The following OTOF variants were observed in gnomAD, a reference collection of about 807,000 sequenced individuals.
OTOF encodes the protein otoferlin, also known as fer-1-like family member 2.
OTOF carries 218 observed loss-of-function variants against 236.8 expected under a neutral mutation model. That is an observed-to-expected ratio of 0.92 (90% CI 0.82 to 1.03). OTOF has a LOEUF of 1.03. Among genes scored for constraint, OTOF ranks in the 50% least tolerant of loss-of-function variants. The pLI is 0.00. For synonymous variants in OTOF, 1,041 were observed against 1,072.5 expected (o/e 0.97, Z 0.57); for missense variants, 2,590 against 2,694.4 (o/e 0.96, Z 0.86).
intron 2 of OTOF, among the ~76,000 whole-genome samples, chr2:26,537,336 C>T (rs1667095093): frequency 6.6e-6 from 1 of 152,176 alleles, no homozygotes; most frequent in African/African-American, 2.4e-5. Flanking sequence ...CTGGCCTTTG[C>T]GACGTCCCCA....
chr2:26,501,997 C>T (rs1434201250), intron 7 of OTOF, among the ~76,000 whole-genome samples, 189 bp from the exon 8 acceptor site: 1 of 152,106 alleles, frequency 6.6e-6, no homozygotes, highest in African/African-American at 2.4e-5. Context: ...TAATCAAAGG[C>T]AGAAGTAACA....
chr2:26,531,689 C>T (rs1405913115), intron 2 of OTOF, among the ~76,000 whole-genome samples: 1 of 152,032 alleles, frequency 6.6e-6, no homozygotes, highest in Admixed American at 6.5e-5. Flanking sequence ...ATGTCCTTTC[C>T]TCCATTTGGG....
Position 26,512,407 on chromosome 2 carries a change from T to A in OTOF, c.509+4011A>T, listed in dbSNP as rs1666413465. Among the ~76,000 whole-genome samples the A allele has an allele frequency of 1.3e-5, 2 of 152,166 alleles. 1 individual carries two copies. The highest frequency in any genetic ancestry group is 4.1e-4 in the South Asian group (2 of 4,832). ...GTGCATGTGAGTGTGTGCAAACACA[T>A]GGGCACTTGTGTACACATGTGTGTG... is the stretch of plus-strand genomic sequence containing the variant. On this transcript the variant is annotated intron_variant, in intron 5 of 46. Coordinates refer to ENST00000272371, the MANE Select transcript of OTOF (RefSeq NM_194248.3).
rs1473454319 is a variant in OTOF, at chr2:26,477,482, C to T, written c.2340G>A (p.Lys780=). The change falls in exon 20 of 47, where the codon AAG becomes AAA. Residue 780 remains lysine (K), a synonymous_variant. Transcript: ENST00000272371. The surrounding 1 kb of genome is among the most constrained non-coding windows in gnomAD (Gnocchi z 4.7). ...TGGTGCGGGATGAGTGGCCCTGGTC[C>T]TTGTCAGCGAGGGAGAGGAAGCGGC... ...GCCRFLSLAD[K]DQGHSSRTRL... The T allele has an allele frequency of 1.2e-6, 2 of 1,603,538 alleles. No homozygotes were observed. The highest frequency in any genetic ancestry group is 1.7e-5 in the Admixed American group (1 of 58,744).
chr2:26,500,093 G>A (rs1227470659), intron 8 of OTOF, among the ~76,000 whole-genome samples: 1 of 152,206 alleles, frequency 6.6e-6, no homozygotes, highest in East Asian at 1.9e-4. Flanking sequence ...GGGAGCAGCT[G>A]TCTAGAAGGC....
Position 26,489,253 on chromosome 2 carries a change from C to A in OTOF, c.1003G>T (p.Gly335Cys). The change falls in exon 11 of 47, where the codon GGC becomes TGC. Residue 335 changes from glycine to cysteine, a missense_variant. Physicochemically the swap from Gly to Cys is radical, Grantham distance 159. Around this residue, in one of 2 missense-constraint regions of OTOF, gnomAD observed 1,379 missense variants for 1,341.6 expected, o/e 1.03. Transcript: ENST00000272371. Reference protein sequence around the residue: ...KNLLRSGTLVGSFKMDVGTVY... With the variant: ...KNLLRSGTLVCSFKMDVGTVY... ...GTTCCCACGTCCATTTTGAAGGAGCCCACCAGGGTGCCACTGCGCAGCAGG... is the reference window on the plus strand; with the variant it reads ...GTTCCCACGTCCATTTTGAAGGAGCACACCAGGGTGCCACTGCGCAGCAGG... 6.2e-7 allele frequency: 1 copy of A among 1,613,092 alleles called. No individual in the cohort carries two copies. Among genetic ancestry groups the A allele is most frequent in the Non-Finnish European group, 8.5e-7 (1 of 1,179,848 alleles).
intron 1 of OTOF, among the ~76,000 whole-genome samples, chr2:26,552,288 G>A (rs1192029053): frequency 1.4e-4 from 21 of 152,144 alleles, no homozygotes; most frequent in Admixed American, 1.4e-3. Context: ...TACTCGGGAG[G>A]CTGAGGTGGG....
At chr2:26,496,755 A>C (rs1382263420) in intron 8 of OTOF, among the ~76,000 whole-genome samples, 1 of 152,012 alleles carries the variant, frequency 6.6e-6, no homozygotes, top group East Asian at 1.9e-4. Context: ...TGAACTTGGG[A>C]TTGAACCCCA....
chr2:26,533,213 AAC>A (rs1388989044), intron 2 of OTOF, among the ~76,000 whole-genome samples: 1 of 152,124 alleles, frequency 6.6e-6, no homozygotes, highest in Non-Finnish European at 1.5e-5. Flanking sequence ...TCTGAGGAGG[AAC>A]AGTTTCATCC....
At position 26,477,092 on chromosome 2, in the gene OTOF, C is replaced by T; in HGVS notation, c.2524-49G>A. On this transcript the variant is annotated intron_variant, in intron 21 of 46. Transcript: ENST00000272371. This position sits in a 1 kb window ranked among gnomAD's most constrained non-coding sequence, Gnocchi z 4.7. ...GGCAGTGGGTAAGGGGGTCTAGCCT[C>T]CTGATTGAGCCCCCTGATCCTGAGG... is the stretch of plus-strand genomic sequence containing the variant. 6.5e-7 allele frequency: 1 copy of T among 1,540,784 alleles called. No individual in the cohort carries two copies. Among genetic ancestry groups the T allele is most frequent in the Non-Finnish European group, 8.8e-7 (1 of 1,130,496 alleles).
chr2:26,525,979 C>T (rs1380475849), intron 3 of OTOF, among the ~76,000 whole-genome samples: 1 of 149,890 alleles, frequency 6.7e-6, no homozygotes, highest in Non-Finnish European at 1.5e-5. Context: ...CCCAGCTACT[C>T]AGGAGGCTGA....
At chr2:26,552,940 G>A (rs1196811783) in intron 1 of OTOF, among the ~76,000 whole-genome samples, 1 of 152,206 alleles carries the variant, frequency 6.6e-6, no homozygotes, top group Non-Finnish European at 1.5e-5. Flanking sequence ...CCCACAGACA[G>A]GCCTAGGCAT....
At position 26,461,063 on chromosome 2, in the gene OTOF, C is replaced by A; in HGVS notation, c.5534-33G>T. ...AACCTCAGTGTCAGCTCAGAGTGAA[C>A]AGGGCTGGGGTGGGGCGGGGTGGGG... On this transcript the variant is annotated intron_variant, in intron 43 of 46. Transcript: ENST00000272371. This position sits in a 1 kb window ranked among gnomAD's most constrained non-coding sequence, Gnocchi z 6.2. The A allele has an allele frequency of 1.9e-6, 1 of 535,372 alleles. No individual in the cohort carries two copies. The highest frequency in any genetic ancestry group is 2.4e-5 in the African/African-American group (1 of 41,986). The allele number at this position is 535,372 out of a possible 1,614,324, so 33.2% of individuals were successfully genotyped here.
chr2:26,551,731 A>G (rs1290950083), intron 1 of OTOF, among the ~76,000 whole-genome samples: 2 of 152,262 alleles, frequency 1.3e-5, no homozygotes, highest in African/African-American at 4.8e-5. Flanking sequence ...CATTAAAATG[A>G]AGCTTTTAAT....
At chr2:26,495,131 C>T in intron 8 of OTOF, 58 bp from the exon 9 acceptor site, 1 of 1,604,006 alleles carries the variant, frequency 6.2e-7, no homozygotes, top group Non-Finnish European at 8.5e-7. Flanking sequence ...GGAGCCTGGT[C>T]CCGCAGGGGT....
Position 26,458,073 on chromosome 2 carries a change from AG to A in OTOF, c.*164del. 1 of 1,614,150 alleles carries A rather than the reference AG, an allele frequency of 6.2e-7. No individual in the cohort carries two copies. The highest frequency in any genetic ancestry group is 8.5e-7 in the Non-Finnish European group (1 of 1,179,962). On this transcript the variant is annotated 3_prime_UTR_variant, in exon 47 of 47. Transcript: ENST00000272371. The stretch of plus-strand genomic sequence containing the variant: ...CAAGGAGCTTTTTGACCATGTAGCC[AG>A]GGAGGCTGTAGAGGAAGAGCCCCAA...
At position 26,461,702 on chromosome 2, in the gene OTOF, AGTC is replaced by A. The variant is rs1664470189; in HGVS notation, c.5524_5526del (p.Asp1842del). The A allele has an allele frequency of 1.2e-6, 2 of 1,613,982 alleles. No homozygotes were observed. The highest frequency in any genetic ancestry group is 2.7e-5 in the African/African-American group (2 of 75,044). ...TCCCTGCCCTGCTCTGCACCCAGGA[AGTC>A]GTCAGCGGAGAAGTGGTCCGCATCC... On this transcript the variant is annotated inframe_deletion, in exon 43 of 47. Transcript: ENST00000272371. The surrounding 1 kb of genome is among the most constrained non-coding windows in gnomAD (Gnocchi z 6.2).
chr2:26,545,920 C>T (rs1167610320), intron 1 of OTOF, among the ~76,000 whole-genome samples: 1 of 152,088 alleles, frequency 6.6e-6, no homozygotes, highest in East Asian at 1.9e-4. Context: ...TATAGTTAGA[C>T]TTATAATTAA....
At chr2:26,554,589 G>A (rs1031056777) in intron 1 of OTOF, among the ~76,000 whole-genome samples, 2 of 152,134 alleles carry the variant, frequency 1.3e-5, no homozygotes, top group Non-Finnish European at 2.9e-5. Flanking sequence ...TCATGGAGGA[G>A]GTAGCATATG....
Sources: allele counts gnomAD v4.1 joint callset (sites outside exome capture counted in the v4.1 genomes callset), GRCh38; gene constraint gnomAD v4.1.1; regional missense constraint gnomAD v4.1.1; non-coding constraint Gnocchi (gnomAD v3.1); transcripts MANE v1.5; gene names NCBI Gene and HGNC (gene_info 2026-07-23, HGNC 2026-07-21).